KIF6: variants seen among roughly 807,000 people sequenced by gnomAD.
The protein encoded by KIF6 is kinesin family member 6.
Under a neutral mutation model 112.7 loss-of-function variants are expected in KIF6, and 106 were observed. The observed-to-expected ratio is 0.94, with a 90% CI of 0.80 to 1.11. The LOEUF (loss-of-function observed/expected upper bound fraction) is 1.11, where lower values mean the gene tolerates loss of function less well. Among genes scored for constraint, KIF6 ranks in the 50% least tolerant of loss-of-function variants. The pLI is 0.00. For synonymous variants in KIF6, 339 were observed against 339.9 expected (o/e 1.00, Z 0.03); for missense variants, 929 against 964.0 (o/e 0.96, Z 0.48).
chr6:39,495,552 G>C (rs1349804266), intron 13 of KIF6, among the ~76,000 whole-genome samples: 1 of 152,216 alleles, frequency 6.6e-6, no homozygotes, highest in Non-Finnish European at 1.5e-5. Context: ...ATTGCAAAGA[G>C]CAGTGATTCT....
intron 3 of KIF6, among the ~76,000 whole-genome samples, chr6:39,668,196 C>T (rs971064103): frequency 2.0e-5 from 3 of 152,086 alleles, no homozygotes; most frequent in Admixed American, 6.5e-5. Flanking sequence ...TAGCCTCAGG[C>T]GTTCCTTTTT....
chr6:39,467,224 A>C (rs1267307130), intron 13 of KIF6, among the ~76,000 whole-genome samples: 1 of 152,256 alleles, frequency 6.6e-6, no homozygotes, highest in Non-Finnish European at 1.5e-5. Context: ...AAACCAGTTT[A>C]AGTTTAGCAA....
chr6:39,558,996 A>G (rs1190039622), intron 10 of KIF6, among the ~76,000 whole-genome samples: 1 of 152,194 alleles, frequency 6.6e-6, no homozygotes, highest in Admixed American at 6.5e-5. Flanking sequence ...AATTAATACA[A>G]GCTGTAGACC....
At chr6:39,458,358 G>A (rs1773277037) in intron 13 of KIF6, among the ~76,000 whole-genome samples, 3 of 145,934 alleles carry the variant, frequency 2.1e-5, no homozygotes, top group Non-Finnish European at 4.5e-5. Context: ...ATTAGGTATT[G>A]ATGGGACGTA....
chr6:39,566,315 T>G (rs1257859000), intron 10 of KIF6, among the ~76,000 whole-genome samples: 4 of 152,236 alleles, frequency 2.6e-5, no homozygotes, highest in African/African-American at 7.2e-5. Flanking sequence ...AATCATCACT[T>G]TATTTTAAAT....
chr6:39,448,560 CG>C (rs1375224813), intron 13 of KIF6, among the ~76,000 whole-genome samples: 4 of 152,166 alleles, frequency 2.6e-5, no homozygotes, highest in Admixed American at 6.5e-5. Context: ...AATATGCAGT[CG>C]GTGAAACAGC....
chr6:39,429,880 G>C (rs1347587539), intron 14 of KIF6, among the ~76,000 whole-genome samples: 6 of 151,854 alleles, frequency 4.0e-5, no homozygotes, highest in Admixed American at 1.3e-4. Context: ...TGCACTCCAG[G>C]CTGGGCAACA....
intron 10 of KIF6, among the ~76,000 whole-genome samples, chr6:39,547,547 G>C (rs2150573547): frequency 1.3e-5 from 2 of 152,116 alleles, no homozygotes; most frequent in East Asian, 3.9e-4. Flanking sequence ...CCACTCCCCT[G>C]CCACCATTCC....
chr6:39,673,415 T>G (rs1786954675), intron 3 of KIF6, among the ~76,000 whole-genome samples: 1 of 152,208 alleles, frequency 6.6e-6, no homozygotes, highest in African/African-American at 2.4e-5. Context: ...AAGTGGTAAG[T>G]TAACACTTAG....
At chr6:39,571,105 T>C (rs1269559917) in intron 10 of KIF6, among the ~76,000 whole-genome samples, 1 of 152,204 alleles carries the variant, frequency 6.6e-6, no homozygotes, top group Non-Finnish European at 1.5e-5. Context: ...AAACTGAGCC[T>C]TTCTTATCTT....
intron 6 of KIF6, among the ~76,000 whole-genome samples, chr6:39,612,395 A>T (rs1783264556): frequency 6.6e-6 from 1 of 152,114 alleles, no homozygotes; most frequent in African/African-American, 2.4e-5. Flanking sequence ...CACCACCACC[A>T]CCACCATCCC....
At chr6:39,611,981 A>G (rs2150717734) in intron 6 of KIF6, among the ~76,000 whole-genome samples, 1 of 152,356 alleles carries the variant, frequency 6.6e-6, no homozygotes, top group East Asian at 1.9e-4. Context: ...TAAAAATTTA[A>G]GCGACCTTAA....
At chr6:39,711,478 C>T (rs1195817585) in intron 3 of KIF6, among the ~76,000 whole-genome samples, 2 of 152,050 alleles carry the variant, frequency 1.3e-5, no homozygotes, top group East Asian at 3.9e-4. Flanking sequence ...TTAAGTGATC[C>T]TCCCACCCGA....
intron 18 of KIF6, 114 bp downstream of exon 18, chr6:39,360,281 G>C (rs1765026946): frequency 1.7e-6 from 2 of 1,188,128 alleles, no homozygotes; most frequent in Non-Finnish European, 1.2e-6. Flanking sequence ...TCATGAGCAG[G>C]GGCTGAGACC....
intron 13 of KIF6, among the ~76,000 whole-genome samples, chr6:39,538,617 T>C (rs1375901090): frequency 1.3e-5 from 2 of 150,338 alleles, no homozygotes; most frequent in Non-Finnish European, 3.0e-5. Flanking sequence ...ACACTGTTGG[T>C]GGGACTGTAA....
chr6:39,523,534 CT>C (rs1490014682), intron 13 of KIF6, among the ~76,000 whole-genome samples: 1 of 150,890 alleles, frequency 6.6e-6, no homozygotes, highest in Non-Finnish European at 1.5e-5. Flanking sequence ...CAACCAAATG[CT>C]TTTGCAACAT....
At chr6:39,474,700 T>C (rs1774319819) in intron 13 of KIF6, among the ~76,000 whole-genome samples, 1 of 152,268 alleles carries the variant, frequency 6.6e-6, no homozygotes, top group African/African-American at 2.4e-5. Flanking sequence ...TCTGGGTATG[T>C]GGCAGGCTAC....
chr6:39,338,645 C>T (rs1279047221), intron 22 of KIF6, among the ~76,000 whole-genome samples: 2 of 152,170 alleles, frequency 1.3e-5, no homozygotes, highest in African/African-American at 2.4e-5. Flanking sequence ...GTGCCCAGAC[C>T]ACAGCCCAGA....
chr6:39,370,198 TG>T (rs1486913061), intron 16 of KIF6, among the ~76,000 whole-genome samples: 8 of 152,314 alleles, frequency 5.3e-5, no homozygotes, highest in African/African-American at 1.9e-4. Flanking sequence ...GTAGGAAACT[TG>T]GCATGCCTAC....
Sources: allele counts gnomAD v4.1 joint callset (sites outside exome capture counted in the v4.1 genomes callset), GRCh38; gene constraint gnomAD v4.1.1; transcripts MANE v1.5; gene names NCBI Gene and HGNC (gene_info 2026-07-23, HGNC 2026-07-21).